The following MMS22L variants were observed in gnomAD, a reference collection of about 807,000 sequenced individuals.
MMS22L encodes the protein protein MMS22-like.
A neutral mutation model predicts 159.1 loss-of-function variants in MMS22L; 74 were observed. The observed-to-expected ratio is 0.47, with a 90% CI of 0.39 to 0.56. MMS22L has a LOEUF of 0.56. MMS22L is among the 20% of genes least tolerant of loss of function. The pLI, the probability that MMS22L is intolerant of heterozygous loss-of-function variation, is 0.00. For synonymous variants in MMS22L, 517 were observed against 506.9 expected (o/e 1.02, Z -0.27); for missense variants, 1,351 against 1,422.1 (o/e 0.95, Z 0.80).
chr6:97,262,779 G>A (rs1183582855), intron 9 of MMS22L, among the ~76,000 whole-genome samples: 6 of 151,560 alleles, frequency 4.0e-5, no homozygotes, highest in African/African-American at 9.7e-5. Context: ...TTTTAATACC[G>A]TTTTACAACA....
In MMS22L at chr6:97,278,863, G is replaced by A. The variant is rs1367935201; in HGVS notation, c.326C>T (p.Ser109Phe). The change falls in exon 4 of 25, where the codon TCC (serine) becomes TTC (phenylalanine). Residue 109 changes from serine (S) to phenylalanine (F), a missense_variant. Transcript: ENST00000683635. Reference sequence around the variant, plus strand: ...CTTAAACTTACCAAAATCACAACTGGACTGTAACAAGGTTTCCAAGTTGTA... The same window carrying A: ...CTTAAACTTACCAAAATCACAACTGAACTGTAACAAGGTTTCCAAGTTGTA... ...QLYNLETLLQ[S>F]SCDFGKVSTL... is the part of the protein sequence containing the mutation. 1 of 1,612,986 alleles carries A rather than the reference G, an allele frequency of 6.2e-7. No homozygotes were observed. Among genetic ancestry groups the A allele is most frequent in the African/African-American group, 1.3e-5 (1 of 75,004 alleles).
At chr6:97,148,748 C>A (rs1801040793) in intron 24 of MMS22L, among the ~76,000 whole-genome samples, 1 of 151,058 alleles carries the variant, frequency 6.6e-6, no homozygotes, top group Non-Finnish European at 1.5e-5. Flanking sequence ...TATTGAAAAA[C>A]TAAAAATTTT....
intron 14 of MMS22L, among the ~76,000 whole-genome samples, chr6:97,225,722 G>A (rs1314873841): frequency 2.0e-5 from 3 of 152,066 alleles, no homozygotes; most frequent in Middle Eastern, 6.8e-3. Flanking sequence ...ACAGGCACCC[G>A]CCACCACGCC....
At position 97,229,367 on chromosome 6, in the gene MMS22L, T is replaced by C. The variant is rs1347537637; in HGVS notation, c.1566A>G (p.Glu522=). The change falls in exon 14 of 25, where the codon GAA becomes GAG. Residue 522 remains glutamate, a synonymous_variant. Transcript: ENST00000683635. ...AGTTCTGTAGACCAACTTCAGTTAG[T>C]TCTTCCATTCTTTTTTGATGGAATT... ...YSKFHQKRME[E]LTEVGLQNFF... The C allele has an allele frequency of 7.6e-6, 12 of 1,581,102 alleles. No individual in the cohort carries two copies. Among genetic ancestry groups the C allele is most frequent in the Non-Finnish European group, 1.0e-5 (12 of 1,163,084 alleles).
intron 14 of MMS22L, among the ~76,000 whole-genome samples, chr6:97,215,115 T>TA (rs200134288): frequency 0.051 from 2,709 of 53,306 alleles, 48 homozygotes; most frequent in African/African-American, 0.094. Flanking sequence ...TATATATATA[T>TA]TTTTTTTTTG....
chr6:97,226,346 G>A (rs900327836), intron 14 of MMS22L, among the ~76,000 whole-genome samples: 1 of 152,176 alleles, frequency 6.6e-6, no homozygotes, highest in African/African-American at 2.4e-5. Flanking sequence ...TGTAATCCCA[G>A]CATTTTGGGA....
At position 97,146,622 on chromosome 6, in the gene MMS22L, A is replaced by G. The variant is rs1800935807; in HGVS notation, c.*184T>C. 2.4e-6 allele frequency: 1 copy of G among 421,234 alleles called. No homozygotes were observed. Among genetic ancestry groups the G allele is most frequent in the African/African-American group, 2.1e-5 (1 of 47,558 alleles). The allele number at this position is 421,234 out of a possible 1,614,324, so 26.1% of individuals were successfully genotyped here. On this transcript the variant is annotated 3_prime_UTR_variant, in exon 25 of 25. Transcript: ENST00000683635. ...TAAAAAGTTCCAAGGATCCTATTAC[A>G]CAGTTGCTAATTAACCTTCAGTTCC... is the stretch of plus-strand genomic sequence containing the variant.
intron 24 of MMS22L, among the ~76,000 whole-genome samples, chr6:97,147,642 G>A (rs532147463): frequency 2.2e-4 from 33 of 152,274 alleles, no homozygotes; most frequent in Admixed American, 3.9e-4. Flanking sequence ...GTCTGTGCAT[G>A]AGCTTGTTTT....
chr6:97,227,546 G>C (rs1202191109), intron 14 of MMS22L, among the ~76,000 whole-genome samples: 1 of 152,160 alleles, frequency 6.6e-6, no homozygotes, highest in African/African-American at 2.4e-5. Flanking sequence ...AAACAAAGTT[G>C]GCATTTGGAA....
At chr6:97,181,799 T>G in intron 16 of MMS22L, 105 bp downstream of exon 16, 1 of 1,138,250 alleles carries the variant, frequency 8.8e-7, no homozygotes, top group African/African-American at 1.6e-5. Flanking sequence ...AGTGAGAGTA[T>G]ATGTAGTAGA....
At position 97,263,504 on chromosome 6, in the gene MMS22L, C is replaced by T. The variant is rs561945912; in HGVS notation, c.829-56G>A. The T allele has an allele frequency of 3.5e-4, 280 of 804,292 alleles. 1 individual carries two copies. In the South Asian group the frequency reaches 5.8e-3, roughly 17 times the overall value. 49.8% of individuals were successfully genotyped at this position (804,292 alleles called of 1,614,324 possible). A position where few individuals can be genotyped will look rare whatever the true frequency, so the allele number is the denominator to read the frequency against. Reference sequence around the variant, plus strand: ...TAAGACAGCAGCAGAATTTTAAATGCCATATATCTTTCAAATACTTTTAAA... The same window carrying T: ...TAAGACAGCAGCAGAATTTTAAATGTCATATATCTTTCAAATACTTTTAAA... On this transcript the variant is annotated intron_variant, in intron 8 of 24. Coordinates refer to ENST00000683635, the MANE Select transcript of MMS22L (RefSeq NM_001350599.2).
At chr6:97,147,972 G>A (rs1800991842) in intron 24 of MMS22L, among the ~76,000 whole-genome samples, 1 of 152,170 alleles carries the variant, frequency 6.6e-6, no homozygotes, top group Admixed American at 6.5e-5. Context: ...ATTAGAGTGT[G>A]TATTTGTACA....
At chr6:97,249,539 A>G (rs1813018622) in intron 10 of MMS22L, among the ~76,000 whole-genome samples, 1 of 152,072 alleles carries the variant, frequency 6.6e-6, no homozygotes, top group Non-Finnish European at 1.5e-5. Flanking sequence ...TCTTCTATCA[A>G]TACTGTATGT....
At chr6:97,214,431 C>G (rs567893058) in intron 14 of MMS22L, among the ~76,000 whole-genome samples, 1 of 152,268 alleles carries the variant, frequency 6.6e-6, no homozygotes, top group Admixed American at 6.5e-5. Flanking sequence ...GCCCACTAAA[C>G]AGCATTTAAT....
intron 14 of MMS22L, among the ~76,000 whole-genome samples, chr6:97,205,092 C>T (rs1340666808): frequency 4.0e-5 from 6 of 151,340 alleles, no homozygotes; most frequent in African/African-American, 1.2e-4. Context: ...TACAGGTGTG[C>T]GCCACCATGC....
At chr6:97,155,885 T>G (rs924418773) in intron 22 of MMS22L, among the ~76,000 whole-genome samples, 2 of 152,206 alleles carry the variant, frequency 1.3e-5, no homozygotes, top group Non-Finnish European at 2.9e-5. Context: ...TATTTCTAGT[T>G]CTAGATCCTT....
intron 14 of MMS22L, among the ~76,000 whole-genome samples, chr6:97,205,882 T>A (rs188323874): frequency 2.7e-4 from 41 of 152,266 alleles, no homozygotes; most frequent in African/African-American, 9.9e-4. Context: ...GTGAGAAATA[T>A]GGAAACCGTA....
intron 14 of MMS22L, among the ~76,000 whole-genome samples, chr6:97,195,290 ACAGATGAACAG>A (rs1286502081): frequency 6.6e-6 from 1 of 152,226 alleles, no homozygotes; most frequent in African/African-American, 2.4e-5. Context: ...ACAATGGGTG[ACAGATGAACAG>A]CAGATGAACT....
intron 22 of MMS22L, among the ~76,000 whole-genome samples, chr6:97,154,620 T>C (rs2128235924): frequency 6.6e-6 from 1 of 152,272 alleles, no homozygotes; most frequent in South Asian, 2.1e-4. Flanking sequence ...TTAGGTTAGT[T>C]TTCGTATGTG....
Sources: gnomAD v4.1 joint callset for allele counts (sites outside exome capture counted in the v4.1 genomes callset) on GRCh38, gnomAD v4.1.1 for gene constraint, MANE v1.5 for transcripts, NCBI Gene and HGNC (gene_info 2026-07-23, HGNC 2026-07-21) for gene names.